GABRB3: variants seen among roughly 807,000 people sequenced by gnomAD.
The protein encoded by GABRB3 is gamma-aminobutyric acid type A receptor subunit beta3.
A neutral mutation model predicts 52.1 loss-of-function variants in GABRB3; 14 were observed. The ratio of observed to expected loss-of-function variants is 0.27; its 90% CI spans 0.18 to 0.42. The LOEUF (loss-of-function observed/expected upper bound fraction) is 0.42. Among genes scored for constraint, GABRB3 ranks in the 10% least tolerant of loss-of-function variants. The pLI, the probability that GABRB3 is intolerant of heterozygous loss-of-function variation, is 1.00. For missense variants in GABRB3, 307 were observed against 609.1 expected (o/e 0.50, Z 5.22); for synonymous variants, 260 against 232.3 (o/e 1.12, Z -1.08).
At position 26,665,158 on chromosome 15, in the gene GABRB3, C is replaced by T. The variant is rs573105595; in HGVS notation, c.241-43624G>A. On this transcript the variant is annotated intron_variant, in intron 3 of 8. Transcript: ENST00000311550. ...AAAATACATTATTTTTAACTATAGT[C>T]GCCCTACTGTGCCACCTATCACTAG... 1.8e-4 allele frequency among the ~76,000 whole-genome samples: 27 copies of T among 152,220 alleles called. No individual in the cohort carries two copies. In the South Asian group the frequency reaches 2.3e-3, roughly 13 times the overall value.
intron 3 of GABRB3, among the ~76,000 whole-genome samples, chr15:26,761,907 T>C (rs1890833646): frequency 6.6e-6 from 1 of 152,192 alleles, no homozygotes; most frequent in Non-Finnish European, 1.5e-5. Context: ...CGATCTCAGT[T>C]CACTGCAGCC....
intron 3 of GABRB3, among the ~76,000 whole-genome samples, chr15:26,660,317 G>T (rs1278026526): frequency 6.6e-6 from 1 of 152,102 alleles, no homozygotes; most frequent in Admixed American, 6.5e-5. Context: ...GAGAAATATG[G>T]CTATTTCCAT....
intron 3 of GABRB3, among the ~76,000 whole-genome samples, chr15:26,657,493 A>G (rs1887410794): frequency 6.6e-6 from 1 of 152,230 alleles, no homozygotes; most frequent in East Asian, 1.9e-4. Flanking sequence ...TTAGCCACCC[A>G]ATATGCTCAA....
intron 3 of GABRB3, among the ~76,000 whole-genome samples, chr15:26,669,336 C>T (rs897765305): frequency 1.3e-5 from 2 of 152,188 alleles, no homozygotes; most frequent in African/African-American, 4.8e-5. Flanking sequence ...TGTGTGGCAT[C>T]CCAAAGCTGC....
At chr15:26,646,149 C>T (rs972567275) in intron 3 of GABRB3, among the ~76,000 whole-genome samples, 1 of 152,088 alleles carries the variant, frequency 6.6e-6, no homozygotes, top group Non-Finnish European at 1.5e-5. Flanking sequence ...GCATCCATGA[C>T]TGCAGTCTAA....
intron 3 of GABRB3, among the ~76,000 whole-genome samples, chr15:26,752,363 A>C (rs1260041100): frequency 6.6e-6 from 1 of 151,804 alleles, no homozygotes; most frequent in Non-Finnish European, 1.5e-5. Flanking sequence ...TCCTGGGTTC[A>C]AGAGATTCTC....
rs1043797796 is a variant in GABRB3, at chr15:26,546,119, G to C, written c.*1674C>G. 2.6e-5 allele frequency: 4 copies of C among 152,568 alleles called. No homozygotes were observed. The highest frequency in any genetic ancestry group is 5.9e-5 in the Non-Finnish European group (4 of 68,030). 9.5% of individuals were successfully genotyped at this position (152,568 alleles called of 1,614,324 possible). A position where few individuals can be genotyped will look rare whatever the true frequency, so the allele number is the denominator to read the frequency against. ...CTGGTCCTTGGTTTTGGATAGAACA[G>C]AGAGGGTGAGGCATACGTGGCATTT... On this transcript the variant is annotated 3_prime_UTR_variant, in exon 9 of 9. Transcript: ENST00000311550.
At chr15:26,606,808 A>T (rs117734236) in intron 4 of GABRB3, among the ~76,000 whole-genome samples, 41 of 84,766 alleles carry the variant, frequency 4.8e-4, no homozygotes, top group Non-Finnish European at 6.8e-4. Flanking sequence ...ATATATCTAT[A>T]GATAGATAGA....
rs563825774 is a variant in GABRB3 at position 26,747,321 on chromosome 15, A to G, written c.240+25081T>C. 7.9e-5 allele frequency among the ~76,000 whole-genome samples: 12 copies of G among 152,352 alleles called. No individual in the cohort carries two copies. The East Asian group carries it at 2.3e-3, about 29-fold the overall frequency. The stretch of plus-strand genomic sequence containing the variant: ...AAAACTATAGATTGATTTGTGGAGA[A>G]TTGACATTTTGCTATGGTAAGTCTT... On this transcript the variant is annotated intron_variant, in intron 3 of 8. Coordinates refer to ENST00000311550, the MANE Select transcript of GABRB3 (RefSeq NM_000814.6).
intron 8 of GABRB3, among the ~76,000 whole-genome samples, chr15:26,553,717 C>G (rs952599027): frequency 2.0e-5 from 3 of 151,936 alleles, no homozygotes; most frequent in African/African-American, 7.3e-5. Flanking sequence ...AAAACATTAC[C>G]ATGTGGCTGC....
chr15:26,736,273 A>T (rs1258589089), intron 3 of GABRB3, among the ~76,000 whole-genome samples: 2 of 152,244 alleles, frequency 1.3e-5, no homozygotes. Context: ...ATAATTTTTT[A>T]AATAAGCTAC....
intron 6 of GABRB3, among the ~76,000 whole-genome samples, chr15:26,570,971 T>C (rs1392298139): frequency 6.6e-6 from 1 of 152,220 alleles, no homozygotes; most frequent in Non-Finnish European, 1.5e-5. Context: ...TAAATACTTC[T>C]GAAGGCTGAA....
chr15:26,755,226 C>T (rs955297102), intron 3 of GABRB3, among the ~76,000 whole-genome samples: 1 of 151,840 alleles, frequency 6.6e-6, no homozygotes, highest in Admixed American at 6.6e-5. Flanking sequence ...AGGATGGTCT[C>T]GATCTCCTGA....
At chr15:26,696,424 C>T (rs938957665) in intron 3 of GABRB3, among the ~76,000 whole-genome samples, 1 of 151,360 alleles carries the variant, frequency 6.6e-6, no homozygotes, top group Non-Finnish European at 1.5e-5. Context: ...AACTGAGGCC[C>T]GATGACGTAG....
chr15:26,568,929 T>A (rs954833173), intron 6 of GABRB3, among the ~76,000 whole-genome samples: 6 of 152,126 alleles, frequency 3.9e-5, no homozygotes, highest in Non-Finnish European at 7.3e-5. Flanking sequence ...CTGATGGAGC[T>A]GCCTGAGGGC....
chr15:26,617,513 C>T (rs1367109434), intron 4 of GABRB3, among the ~76,000 whole-genome samples: 9 of 152,120 alleles, frequency 5.9e-5, no homozygotes, highest in Non-Finnish European at 1.3e-4. Context: ...TGGGACGTAT[C>T]TCAAAATAAT....
chr15:26,606,789 T>TATCGATAGATATATCGATAGATAG (rs145598967), intron 4 of GABRB3, among the ~76,000 whole-genome samples: 1 of 122,776 alleles, frequency 8.1e-6, no homozygotes, highest in Non-Finnish European at 1.7e-5. Flanking sequence ...TAGATATATC[T>TATCGATAGATATATCGATAGATAG]ATAGATAGAT....
At chr15:26,625,592 A>G in intron 3 of GABRB3, 1 of 162,592 alleles carries the variant, frequency 6.2e-6, no homozygotes, top group Non-Finnish European at 9.6e-6. Flanking sequence ...AAGGAATAGC[A>G]GAGGGGACAC....
intron 3 of GABRB3, among the ~76,000 whole-genome samples, chr15:26,692,873 T>C (rs1261196673): frequency 6.6e-6 from 1 of 152,240 alleles, no homozygotes; most frequent in Admixed American, 6.5e-5. Context: ...AGTTCTAATG[T>C]TTCCAATTTT....
Sources: gnomAD v4.1 joint callset for allele counts (sites outside exome capture counted in the v4.1 genomes callset) on GRCh38, gnomAD v4.1.1 for gene constraint, MANE v1.5 for transcripts, NCBI Gene and HGNC (gene_info 2026-07-23, HGNC 2026-07-21) for gene names.